Variants in CAMKMT observed in about 807,000 individuals in gnomAD.
The protein encoded by CAMKMT is CaM KMT.
Under a neutral mutation model 48.0 loss-of-function variants are expected in CAMKMT, and 53 were observed. The ratio of observed to expected loss-of-function variants is 1.10; its 90% CI spans 0.89 to 1.39. The LOEUF (loss-of-function observed/expected upper bound fraction) is 1.39, where lower values mean the gene tolerates loss of function less well. CAMKMT is among the 40% of genes most tolerant of loss of function. CAMKMT has a pLI of 0.00. For synonymous variants in CAMKMT, 165 were observed against 152.3 expected (o/e 1.08, Z -0.61); for missense variants, 428 against 402.7 (o/e 1.06, Z -0.54).
At chr2:44,753,449 AC>A (rs910023547) in intron 8 of CAMKMT, among the ~76,000 whole-genome samples, 1 of 151,964 alleles carries the variant, frequency 6.6e-6, no homozygotes, top group Non-Finnish European at 1.5e-5. Context: ...AAGAAAAAAA[AC>A]AAAAAATCAA....
At chr2:44,567,876 CATTCAGCAGTT>C (rs938487856) in intron 3 of CAMKMT, among the ~76,000 whole-genome samples, 7 of 152,286 alleles carry the variant, frequency 4.6e-5, no homozygotes, top group Admixed American at 4.6e-4. Flanking sequence ...GTCATTCATT[CATTCAGCAGTT>C]ATTTATCGAG....
At chr2:44,557,931 A>G (rs1159560922) in intron 3 of CAMKMT, among the ~76,000 whole-genome samples, 1 of 152,228 alleles carries the variant, frequency 6.6e-6, no homozygotes, top group Non-Finnish European at 1.5e-5. Flanking sequence ...AGTTTAAAAT[A>G]TCTGTTATCA....
At chr2:44,362,181 G>A in intron 1 of CAMKMT, 36 bp downstream of exon 1, 1 of 1,427,720 alleles carries the variant, frequency 7.0e-7, no homozygotes, top group African/African-American at 1.5e-5. Context: ...CTTTGCCTCT[G>A]GTCACTCCTC....
intron 3 of CAMKMT, among the ~76,000 whole-genome samples, chr2:44,480,996 A>G (rs1297396226): frequency 6.6e-6 from 1 of 151,884 alleles, no homozygotes; most frequent in Non-Finnish European, 1.5e-5. Flanking sequence ...TCTATCATCC[A>G]TATTATGTGT....
At chr2:44,515,000 G>A (rs976170212) in intron 3 of CAMKMT, among the ~76,000 whole-genome samples, 9 of 152,148 alleles carry the variant, frequency 5.9e-5, no homozygotes, top group Admixed American at 5.9e-4. Flanking sequence ...GTCCTGTGTA[G>A]ACCACTCACT....
At chr2:44,742,450 A>G (rs147225334) in intron 7 of CAMKMT, among the ~76,000 whole-genome samples, 82 of 152,256 alleles carry the variant, frequency 5.4e-4, no homozygotes, top group Non-Finnish European at 8.5e-4. Flanking sequence ...GATACAGCGT[A>G]GGAATTGGGG....
At chr2:44,539,046 G>A (rs1235362902) in intron 3 of CAMKMT, among the ~76,000 whole-genome samples, 2 of 150,976 alleles carry the variant, frequency 1.3e-5, no homozygotes, top group Non-Finnish European at 2.9e-5. Context: ...GCTCACGCCT[G>A]TAATCCTAGC....
In CAMKMT at chr2:44,675,265, G is replaced by A. The variant is rs148217748; in HGVS notation, c.377-29018G>A. Among the ~76,000 whole-genome samples the A allele has an allele frequency of 4.3e-3, 657 of 152,116 alleles. 1 individual carries two copies. Among genetic ancestry groups the A allele is most frequent in the South Asian group, 6.2e-3 (30 of 4,804 alleles). On this transcript the variant is annotated intron_variant, in intron 3 of 10. Coordinates refer to ENST00000378494, the MANE Select transcript of CAMKMT (RefSeq NM_024766.5). ...TTTATTCCCTTAAACACTTCTCCTG[G>A]TTTCAGCACTCTAATGAGGCTCTTT...
At chr2:44,532,219 G>A (rs372602229) in intron 3 of CAMKMT, among the ~76,000 whole-genome samples, 117 of 152,264 alleles carry the variant, frequency 7.7e-4, no homozygotes, top group African/African-American at 2.7e-3. Flanking sequence ...AAAAATGCTG[G>A]AACAGTCACA....
At chr2:44,682,801 A>T (rs1676097746) in intron 3 of CAMKMT, among the ~76,000 whole-genome samples, 1 of 152,238 alleles carries the variant, frequency 6.6e-6, no homozygotes, top group Admixed American at 6.5e-5. Context: ...AAAATTGTAT[A>T]TATTACATGA....
chr2:44,655,257 T>C (rs1049704546), intron 3 of CAMKMT, among the ~76,000 whole-genome samples: 4 of 152,246 alleles, frequency 2.6e-5, no homozygotes, highest in African/African-American at 9.6e-5. Context: ...TTGTATTTGA[T>C]AAATGATAAG....
At chr2:44,718,740 G>A (rs1050611114) in intron 7 of CAMKMT, among the ~76,000 whole-genome samples, 2 of 152,202 alleles carry the variant, frequency 1.3e-5, no homozygotes, top group African/African-American at 2.4e-5. Context: ...TTACCCTGCT[G>A]TGATGATGTA....
At chr2:44,469,654 A>G (rs1446146421) in intron 3 of CAMKMT, among the ~76,000 whole-genome samples, 2 of 152,108 alleles carry the variant, frequency 1.3e-5, no homozygotes, top group African/African-American at 4.8e-5. Context: ...AAATGCACCT[A>G]TCACAAAATT....
intron 3 of CAMKMT, among the ~76,000 whole-genome samples, chr2:44,455,482 A>T (rs1224519922): frequency 6.6e-6 from 1 of 152,192 alleles, no homozygotes; most frequent in Non-Finnish European, 1.5e-5. Flanking sequence ...AAGGTTTCCA[A>T]CCCAATTGTC....
At chr2:44,593,365 A>G (rs1670430397) in intron 3 of CAMKMT, among the ~76,000 whole-genome samples, 1 of 152,176 alleles carries the variant, frequency 6.6e-6, no homozygotes, top group Non-Finnish European at 1.5e-5. Flanking sequence ...ACTCTGATGA[A>G]TACTCAAAGG....
chr2:44,511,330 G>A (rs994382412), intron 3 of CAMKMT, among the ~76,000 whole-genome samples: 12 of 152,224 alleles, frequency 7.9e-5, no homozygotes, highest in Non-Finnish European at 1.6e-4. Flanking sequence ...GCTCTGTCAC[G>A]CAGGCTGGCG....
intron 3 of CAMKMT, among the ~76,000 whole-genome samples, chr2:44,476,143 T>C (rs964805997): frequency 1.3e-5 from 2 of 152,198 alleles, no homozygotes; most frequent in African/African-American, 4.8e-5. Flanking sequence ...ACTGTAGTTC[T>C]TCGGTGCTTG....
intron 3 of CAMKMT, among the ~76,000 whole-genome samples, chr2:44,404,190 A>G (rs1307972008): frequency 6.6e-6 from 1 of 152,168 alleles, no homozygotes; most frequent in African/African-American, 2.4e-5. Flanking sequence ...TTATTTAAAA[A>G]AGCAAACCAC....
At chr2:44,666,411 C>A (rs901987661) in intron 3 of CAMKMT, among the ~76,000 whole-genome samples, 1 of 151,944 alleles carries the variant, frequency 6.6e-6, no homozygotes, top group Non-Finnish European at 1.5e-5. Flanking sequence ...AGTCCAGGAC[C>A]CCCCCGAGCC....
Sources: allele counts gnomAD v4.1 joint callset (sites outside exome capture counted in the v4.1 genomes callset), GRCh38; gene constraint gnomAD v4.1.1; transcripts MANE v1.5; gene names NCBI Gene and HGNC (gene_info 2026-07-23, HGNC 2026-07-21).